The following UNC80 variants were observed in gnomAD, a reference collection of about 807,000 sequenced individuals.
The protein encoded by UNC80 is unc-80 subunit of NALCN channel complex.
Under a neutral mutation model 384.6 loss-of-function variants are expected in UNC80, and 164 were observed. The ratio of observed to expected loss-of-function variants is 0.43; its 90% confidence interval spans 0.38 to 0.49. The LOEUF is 0.49. UNC80 is among the 20% of genes least tolerant of loss of function. UNC80 has a pLI of 0.00. For synonymous variants in UNC80, 1,486 were observed against 1,527.8 expected (o/e 0.97, Z 0.64); for missense variants, 3,330 against 4,143.0 (o/e 0.80, Z 5.39).
chr2:209,957,606 T>A, intron 48 of UNC80, 38 bp from the exon 49 acceptor site: 1 of 1,469,208 alleles, frequency 6.8e-7, no homozygotes, highest in East Asian at 2.5e-5. Context: ...TCTGTTGTTG[T>A]TGTTGTTTTG....
At chr2:209,938,979 G>A (rs1020417825) in intron 42 of UNC80, among the ~76,000 whole-genome samples, 2 of 152,070 alleles carry the variant, frequency 1.3e-5, no homozygotes, top group African/African-American at 4.8e-5. Flanking sequence ...TCTAAACTCA[G>A]AGCACCAATC....
intron 47 of UNC80, among the ~76,000 whole-genome samples, chr2:209,947,501 T>C (rs1242984943): frequency 6.6e-6 from 1 of 152,198 alleles, no homozygotes; most frequent in Non-Finnish European, 1.5e-5. Flanking sequence ...TCCCTTGTCA[T>C]TGTGAGTTAA....
At chr2:209,811,745 AAGAT>A (rs1402077970) in intron 7 of UNC80, among the ~76,000 whole-genome samples, 1 of 152,236 alleles carries the variant, frequency 6.6e-6, no homozygotes, top group East Asian at 1.9e-4. Flanking sequence ...ATTAGACTGT[AAGAT>A]AGCATTGAAA....
chr2:209,891,532 A>G (rs2124912022), intron 26 of UNC80, among the ~76,000 whole-genome samples: 1 of 152,256 alleles, frequency 6.6e-6, no homozygotes, highest in Non-Finnish European at 1.5e-5. Flanking sequence ...TCAGCAGAGT[A>G]AAATTTACAC....
At chr2:209,873,977 A>ATG (rs3032480) in intron 23 of UNC80, among the ~76,000 whole-genome samples, 39,226 of 150,242 alleles carry the variant, frequency 0.26, 5,558 homozygotes, top group East Asian at 0.39. Context: ...ACACGTATGT[A>ATG]TGTGTGTGTG....
At chr2:209,909,448 T>G (rs2088652960) in intron 29 of UNC80, among the ~76,000 whole-genome samples, 1 of 152,202 alleles carries the variant, frequency 6.6e-6, no homozygotes, top group Non-Finnish European at 1.5e-5. Flanking sequence ...CATCTCTGCT[T>G]CTTTCCGCAT....
intron 22 of UNC80, among the ~76,000 whole-genome samples, chr2:209,871,176 T>C (rs895688799): frequency 6.6e-6 from 1 of 152,248 alleles, no homozygotes; most frequent in Non-Finnish European, 1.5e-5. Flanking sequence ...TATCCCACTT[T>C]AAGTATTAAT....
At position 209,819,143 on chromosome 2, in the gene UNC80, G is replaced by A. The variant is rs546897441; in HGVS notation, c.1844G>A (p.Cys615Tyr). The A allele has an allele frequency of 1.9e-6, 3 of 1,552,220 alleles. No homozygotes were observed. The highest frequency in any genetic ancestry group is 1.2e-5 in the South Asian group (1 of 84,064). The stretch of plus-strand genomic sequence containing the variant: ...GAGATGCCACATGAACCTCTGGCAT[G>A]TGCTAACCTACCTCGAAGCCTCACA... ...IPEMPHEPLA[C>Y]ANLPRSLTDS... is the part of the protein sequence containing the mutation. Residue 615 changes from cysteine to tyrosine, a missense_variant, in exon 12 of 65, where the codon TGT becomes TAT. Cys to Tyr is a radical substitution (Grantham distance 194, BLOSUM62 -2). Coordinates refer to ENST00000673920, the MANE Select transcript of UNC80 (RefSeq NM_001371986.1).
At position 209,995,460 on chromosome 2, in the gene UNC80, C is replaced by T. The variant is rs778132245; in HGVS notation, c.9840C>T (p.Leu3280=). The T allele has an allele frequency of 1.3e-6, 2 of 1,551,746 alleles. No individual in the cohort carries two copies. Among genetic ancestry groups the T allele is most frequent in the Non-Finnish European group, 1.7e-6 (2 of 1,147,032 alleles). ...DDFTGLETSS[L]LQHGDTVLHI... ...TCACAGGCCTCGAGACATCCAGCCT[C>T]CTACAGCATGGAGACACTGTCCTTC... The change falls in exon 65 of 65, where the codon CTC becomes CTT. Residue 3280 remains leucine (L), a synonymous_variant. Transcript: ENST00000673920.
chr2:209,953,882 T>C (rs1212262832), intron 47 of UNC80, among the ~76,000 whole-genome samples: 3 of 152,366 alleles, frequency 2.0e-5, no homozygotes, highest in African/African-American at 7.2e-5. Flanking sequence ...ACATGTTTCC[T>C]TAAGGCAAGA....
At chr2:209,786,267 G>A in intron 5 of UNC80, 78 bp downstream of exon 5, 3 of 1,494,428 alleles carry the variant, frequency 2.0e-6, no homozygotes, top group East Asian at 2.4e-5. Flanking sequence ...GGGATAATTT[G>A]CCCCTAAGAA....
At chr2:209,922,048 G>A (rs898605386) in intron 34 of UNC80, among the ~76,000 whole-genome samples, 3 of 152,154 alleles carry the variant, frequency 2.0e-5, no homozygotes, top group Non-Finnish European at 4.4e-5. Flanking sequence ...TCTCTGTCCT[G>A]CTTTTGTAAA....
intron 47 of UNC80, among the ~76,000 whole-genome samples, chr2:209,950,661 C>T (rs908660711): frequency 8.6e-5 from 13 of 151,478 alleles, no homozygotes; most frequent in East Asian, 5.9e-4. Context: ...CGGATTCAAG[C>T]GATTCTCCTG....
chr2:209,974,232 T>C (rs765031489), intron 56 of UNC80, among the ~76,000 whole-genome samples: 2 of 152,110 alleles, frequency 1.3e-5, no homozygotes, highest in Non-Finnish European at 1.5e-5. Context: ...TGAACTGCCT[T>C]ATAATGGGAT....
At chr2:209,777,581 G>C (rs947428545) in intron 4 of UNC80, 22 bp downstream of exon 4, 3 of 1,582,756 alleles carry the variant, frequency 1.9e-6, no homozygotes, top group Middle Eastern at 1.7e-4. Flanking sequence ...CCCAGTGTTA[G>C]AGCTGGAGTG....
At chr2:209,983,891 G>A (rs1019484541) in intron 60 of UNC80, among the ~76,000 whole-genome samples, 2 of 152,146 alleles carry the variant, frequency 1.3e-5, no homozygotes, top group African/African-American at 4.8e-5. Flanking sequence ...GAAGACTAGC[G>A]AAGGTAATAA....
chr2:209,976,946 C>T lies in UNC80; in HGVS notation c.8806C>T (p.Leu2936Phe). Reference protein sequence around the residue: ...LAQPAENHEELSARQHIADQL... With the variant: ...LAQPAENHEEFSARQHIADQL... Reference sequence around the variant, plus strand: ...CCAACCAGCAGAGAATCATGAAGAGCTTTCCGCCCGGCAACATATTGCCGA... The same window carrying T: ...CCAACCAGCAGAGAATCATGAAGAGTTTTCCGCCCGGCAACATATTGCCGA... The change falls in exon 58 of 65, where the codon CTT (leucine) becomes TTT (phenylalanine). Residue 2936 changes from leucine (L) to phenylalanine (F), a missense_variant. Transcript: ENST00000673920. This position sits in a 1 kb window ranked among gnomAD's most constrained non-coding sequence, Gnocchi z 4.3. 2 of 1,528,826 alleles carry T rather than the reference C, an allele frequency of 1.3e-6. No homozygotes were observed. The highest frequency in any genetic ancestry group is 1.8e-6 in the Non-Finnish European group (2 of 1,127,988). The allele number at this position is 1,528,826 out of a possible 1,614,324, so 94.7% of individuals were successfully genotyped here. A position where few individuals can be genotyped will look rare whatever the true frequency, so the allele number is the denominator to read the frequency against.
In UNC80 at chr2:209,872,946, C is replaced by T; in HGVS notation, c.3816C>T (p.Ala1272=). Residue 1272 remains alanine (A), a synonymous_variant, in exon 23 of 65, where the codon GCC becomes GCT. Coordinates refer to ENST00000673920, the MANE Select transcript of UNC80 (RefSeq NM_001371986.1). This position sits in a 1 kb window ranked among gnomAD's most constrained non-coding sequence, Gnocchi z 4.1. ...ACCAGAAGCTGCAGTGGAATGCAGC[C>T]AAGCTCTTCTACCAATGGGGAGACG... ...KRNQKLQWNA[A]KLFYQWGDAI... is the part of the protein sequence containing the mutation. 6.4e-7 allele frequency: 1 copy of T among 1,551,640 alleles called. No homozygotes were observed. The highest frequency in any genetic ancestry group is 8.7e-7 in the Non-Finnish European group (1 of 1,146,950).
At chr2:209,907,908 G>T (rs2124935029) in intron 29 of UNC80, among the ~76,000 whole-genome samples, 1 of 152,314 alleles carries the variant, frequency 6.6e-6, no homozygotes, top group South Asian at 2.1e-4. Context: ...AGTAGAAAAA[G>T]CTTACCAACC....
Sources: gnomAD v4.1 joint callset for allele counts (sites outside exome capture counted in the v4.1 genomes callset) on GRCh38, gnomAD v4.1.1 for gene constraint, Gnocchi (gnomAD v3.1) non-coding constraint, MANE v1.5 for transcripts, NCBI Gene and HGNC (gene_info 2026-07-23, HGNC 2026-07-21) for gene names.